Variants in RNF38 observed in about 807,000 individuals in gnomAD.
The protein encoded by RNF38 is E3 ubiquitin-protein ligase RNF38.
RNF38 carries 15 observed loss-of-function variants against 67.2 expected under a neutral mutation model. That is an observed-to-expected ratio of 0.22 (90% CI 0.15 to 0.34). The LOEUF is 0.34. Ranked by LOEUF, RNF38 falls within the 10% of genes least tolerant of loss-of-function variation. The probability of loss-of-function intolerance (pLI) is 1.00; values close to 1 mark genes in which losing one functional copy is unlikely to be tolerated. For synonymous variants in RNF38, 220 were observed against 218.8 expected (o/e 1.01, Z -0.05); for missense variants, 524 against 639.9 (o/e 0.82, Z 1.95).
At chr9:36,418,587 A>T (rs1046632776) in intron 2 of RNF38, among the ~76,000 whole-genome samples, 2 of 151,632 alleles carry the variant, frequency 1.3e-5, no homozygotes, top group East Asian at 3.9e-4. Context: ...GGAGTTCATG[A>T]CCAGCTTGGC....
intron 1 of RNF38, among the ~76,000 whole-genome samples, chr9:36,433,875 A>G (rs1018199696): frequency 2.6e-5 from 4 of 152,126 alleles, no homozygotes; most frequent in African/African-American, 9.7e-5. Context: ...CATTGCTAGT[A>G]GTAGATATAT....
chr9:36,434,542 G>A (rs973296002), intron 1 of RNF38, among the ~76,000 whole-genome samples: 2 of 152,078 alleles, frequency 1.3e-5, no homozygotes, highest in African/African-American at 4.8e-5. Context: ...TGCGCCACCA[G>A]GCATGCCTGG....
chr9:36,484,880 G>A, intron 1 of RNF38, among the ~76,000 whole-genome samples: 1 of 152,124 alleles, frequency 6.6e-6, no homozygotes, highest in East Asian at 1.9e-4. Context: ...AAAAATGTAT[G>A]TATTGGCCGG....
chr9:36,350,316 C>A (rs897858503), intron 9 of RNF38, among the ~76,000 whole-genome samples: 1 of 152,234 alleles, frequency 6.6e-6, no homozygotes, highest in Admixed American at 6.5e-5. Flanking sequence ...CCACTCCCAT[C>A]GATTACTTCA....
At chr9:36,375,347 T>C (rs1202004958) in intron 3 of RNF38, among the ~76,000 whole-genome samples, 1 of 152,102 alleles carries the variant, frequency 6.6e-6, no homozygotes, top group East Asian at 1.9e-4. Flanking sequence ...TGCGCCAACA[T>C]CCTCAGCTAA....
rs530721118 is a variant in RNF38, at chr9:36,438,122, G to A, written n.242-13439C>T. On this transcript the variant is annotated intron_variant and non_coding_transcript_variant, in intron 1 of 3. Coordinates refer to the RNF38 transcript ENST00000488058. Reference sequence around the variant, plus strand: ...AGGCTCAGCTAATTTTTTATTTTTTGCAGAGACAGGGTCTATGTTGCCCAG... The same window carrying A: ...AGGCTCAGCTAATTTTTTATTTTTTACAGAGACAGGGTCTATGTTGCCCAG... Among the ~76,000 whole-genome samples the A allele has an allele frequency of 3.3e-5, 5 of 152,044 alleles. No homozygotes were observed. The South Asian group carries it at 1.0e-3, about 32-fold the overall frequency.
intron 1 of RNF38, among the ~76,000 whole-genome samples, chr9:36,475,021 C>T (rs1001506129): frequency 2.7e-5 from 4 of 145,840 alleles, no homozygotes; most frequent in African/African-American, 1.0e-4. Flanking sequence ...GTGCACTTGT[C>T]GTCCGAGCTA....
intron 1 of RNF38, among the ~76,000 whole-genome samples, chr9:36,474,545 A>G (rs1174299062): frequency 6.8e-6 from 1 of 148,108 alleles, no homozygotes; most frequent in Admixed American, 6.7e-5. Flanking sequence ...CTGGAATTAG[A>G]CTACCTGGGT....
chr9:36,389,321 A>C (rs1191249042), intron 2 of RNF38, among the ~76,000 whole-genome samples: 1 of 149,722 alleles, frequency 6.7e-6, no homozygotes, highest in Non-Finnish European at 1.5e-5. Flanking sequence ...TGAAAACACA[A>C]AGGGAGTATG....
At chr9:36,400,985 C>T (rs2134158523), upstream of RNF38, 2 of 984,586 alleles carry the variant, frequency 2.0e-6, no homozygotes, top group African/African-American at 1.8e-5. Context: ...GGCGCACTGG[C>T]CTCCGCTGCG....
chr9:36,392,337 T>C (rs968703041), intron 1 of RNF38, among the ~76,000 whole-genome samples: 24 of 152,332 alleles, frequency 1.6e-4, no homozygotes, highest in African/African-American at 4.8e-4. Flanking sequence ...CTGATCTCTA[T>C]ACTACAAACA....
chr9:36,450,135 C>A (rs995966972), intron 1 of RNF38, among the ~76,000 whole-genome samples: 1 of 152,112 alleles, frequency 6.6e-6, no homozygotes, highest in African/African-American at 2.4e-5. Flanking sequence ...GTGGCATGAA[C>A]CTAACTCTTC....
At chr9:36,357,637 G>A (rs1834226714) in intron 5 of RNF38, 138 bp downstream of exon 5, 2 of 536,656 alleles carry the variant, frequency 3.7e-6, no homozygotes, top group Non-Finnish European at 6.3e-6. Context: ...AAACTACAAA[G>A]ACAGTCTCTT....
intron 2 of RNF38, among the ~76,000 whole-genome samples, chr9:36,381,391 T>G (rs1836201084): frequency 6.6e-6 from 1 of 152,166 alleles, no homozygotes; most frequent in South Asian, 2.1e-4. Flanking sequence ...ATACACCTCA[T>G]TTTATCTCTC....
Position 36,353,182 on chromosome 9 carries a change from C to T in RNF38, c.1059G>A (p.Val353=), listed in dbSNP as rs1231195271. Residue 353 remains valine (V), a synonymous_variant, in exon 7 of 12, where the codon GTG becomes GTA. Coordinates refer to ENST00000259605, the MANE Select transcript of RNF38 (RefSeq NM_022781.5). ...TGTGAAAACTTACTACTCCAAAGGA[C>T]ACCTCCTGATGCAAAGGATCATGTG... is the stretch of plus-strand genomic sequence containing the variant. ...FLTHDPLHQE[V]SFGVPYPPFM... 1 of 1,613,946 alleles carries T rather than the reference C, an allele frequency of 6.2e-7. No individual in the cohort carries two copies. The highest frequency in any genetic ancestry group is 1.7e-5 in the Admixed American group (1 of 60,016).
At chr9:36,349,013 T>C (rs575240002) in intron 9 of RNF38, among the ~76,000 whole-genome samples, 1 of 152,326 alleles carries the variant, frequency 6.6e-6, no homozygotes, top group African/African-American at 2.4e-5. Flanking sequence ...AAGCCAATAA[T>C]CATCTGCCAT....
intron 1 of RNF38, among the ~76,000 whole-genome samples, chr9:36,453,948 G>A (rs1048440608): frequency 2.0e-5 from 3 of 152,124 alleles, no homozygotes; most frequent in Admixed American, 2.0e-4. Context: ...ACAAAGTAGG[G>A]ATGAGGGGAG....
chr9:36,483,081 A>G (rs1840316148), intron 1 of RNF38, among the ~76,000 whole-genome samples: 1 of 152,146 alleles, frequency 6.6e-6, no homozygotes, highest in African/African-American at 2.4e-5. Flanking sequence ...GGTCCTACAC[A>G]GCAGCACCGT....
At chr9:36,367,410 A>G (rs192023377) in intron 4 of RNF38, among the ~76,000 whole-genome samples, 67 of 152,278 alleles carry the variant, frequency 4.4e-4, no homozygotes, top group African/African-American at 1.4e-3. Context: ...GCTAGATTTT[A>G]TATTTCTTGC....
Sources: gnomAD v4.1 joint callset for allele counts (sites outside exome capture counted in the v4.1 genomes callset) on GRCh38, gnomAD v4.1.1 for gene constraint, MANE v1.5 for transcripts, NCBI Gene and HGNC (gene_info 2026-07-23, HGNC 2026-07-21) for gene names.